CORO2B: variants seen among roughly 807,000 people sequenced by gnomAD.
CORO2B encodes the protein coronin 2B.
CORO2B carries 26 observed loss-of-function variants against 58.8 expected under a neutral mutation model. The observed-to-expected ratio is 0.44, with a 90% CI of 0.32 to 0.61. CORO2B has a LOEUF of 0.61. Ranked by LOEUF, CORO2B falls within the 20% of genes least tolerant of loss-of-function variation. CORO2B has a pLI of 0.04. For synonymous variants in CORO2B, 242 were observed against 253.8 expected, an observed-to-expected ratio of 0.95 and a Z score of 0.44; for missense variants, 460 against 645.1, an observed-to-expected ratio of 0.71 and a Z score of 3.11.
intron 3 of CORO2B, among the ~76,000 whole-genome samples, chr15:68,696,471 C>G (rs2140314091): frequency 6.8e-6 from 1 of 146,796 alleles, no homozygotes; most frequent in Admixed American, 7.2e-5. Context: ...ATCACTTGAA[C>G]CTGGAAGGCG....
At chr15:68,578,823 C>T (rs1899338582), upstream of CORO2B, 6 of 175,440 alleles carry the variant, frequency 3.4e-5, no homozygotes. The surrounding 1 kb of genome is among the most constrained non-coding windows in gnomAD (Gnocchi z 4.2). Context: ...CGTCCGGACT[C>T]CGGGAGCAGC....
the CORO2B span, among the ~76,000 whole-genome samples, chr15:68,548,984 T>C: frequency 2.6e-5 from 4 of 152,250 alleles, no homozygotes; most frequent in Non-Finnish European, 5.9e-5. Flanking sequence ...TGTTAAATTT[T>C]TTCCTATTGG....
intron 1 of CORO2B, among the ~76,000 whole-genome samples, chr15:68,615,574 G>T (rs931941470): frequency 2.6e-5 from 4 of 152,200 alleles, no homozygotes; most frequent in African/African-American, 9.7e-5. Flanking sequence ...GTTATTAAGA[G>T]GTGGAGCCCT....
chr15:68,597,697 C>T (rs528653125), intron 1 of CORO2B, among the ~76,000 whole-genome samples: 2 of 152,182 alleles, frequency 1.3e-5, no homozygotes, highest in South Asian at 4.2e-4. Flanking sequence ...TGCTATGGAG[C>T]TCAGAGGCTT....
intron 2 of CORO2B, among the ~76,000 whole-genome samples, chr15:68,653,348 G>A (rs914210734): frequency 2.0e-5 from 3 of 152,144 alleles, no homozygotes; most frequent in Non-Finnish European, 2.9e-5. Flanking sequence ...CTCTTGGACC[G>A]AGAGCCCCCA....
chr15:68,724,824 C>A (rs1452168423), intron 11 of CORO2B, among the ~76,000 whole-genome samples: 2 of 152,116 alleles, frequency 1.3e-5, no homozygotes, highest in Non-Finnish European at 2.9e-5. Context: ...CCTCAAGGAG[C>A]CTGCTGCCTT....
At chr15:68,570,799 G>GTTTTTTTT in the CORO2B span, among the ~76,000 whole-genome samples, 1 of 78,772 alleles carries the variant, frequency 1.3e-5, no homozygotes, top group Non-Finnish European at 2.2e-5. Context: ...ACTACACGTA[G>GTTTTTTTT]TTTTTTTTTT....
At chr15:68,576,173 AAAAGAAAG>A (rs1555409379), upstream of CORO2B, among the ~76,000 whole-genome samples, 1 of 103,844 alleles carries the variant, frequency 9.6e-6, no homozygotes, top group Non-Finnish European at 1.9e-5. Context: ...AAAAAAAAAA[AAAAGAAAG>A]AAAGAAAGAA....
intron 1 of CORO2B, chr15:68,616,685 C>A: frequency 1.1e-6 from 1 of 921,980 alleles, no homozygotes; most frequent in Non-Finnish European, 1.3e-6. Context: ...CGAGATCTCC[C>A]ATGGGCGAGG....
intron 3 of CORO2B, among the ~76,000 whole-genome samples, chr15:68,704,821 G>T (rs1238271139): frequency 6.6e-6 from 1 of 152,144 alleles, no homozygotes; most frequent in East Asian, 1.9e-4. Context: ...AGGCAGGCTT[G>T]CTGGAGAGAG....
intron 2 of CORO2B, among the ~76,000 whole-genome samples, chr15:68,678,531 A>G (rs1016559492): frequency 6.6e-6 from 1 of 152,166 alleles, no homozygotes; most frequent in African/African-American, 2.4e-5. Context: ...AAAATTAGCC[A>G]GGTGAGGTGG....
chr15:68,708,362 T>A (rs1450862989), intron 3 of CORO2B, among the ~76,000 whole-genome samples: 2 of 142,168 alleles, frequency 1.4e-5, no homozygotes, highest in African/African-American at 5.2e-5. Flanking sequence ...TTCTTCTTTT[T>A]TTTTTTTTTT....
chr15:68,619,057 C>T (rs1900443171), intron 1 of CORO2B, among the ~76,000 whole-genome samples: 2 of 152,070 alleles, frequency 1.3e-5, no homozygotes, highest in South Asian at 4.2e-4. Flanking sequence ...AGGTCAGCAG[C>T]CCCAGATACA....
At chr15:68,674,428 C>A (rs566819577) in intron 2 of CORO2B, among the ~76,000 whole-genome samples, 1 of 152,330 alleles carries the variant, frequency 6.6e-6, no homozygotes, top group South Asian at 2.1e-4. Context: ...TGATTGTGTG[C>A]CCTGGGTCTT....
At chr15:68,588,199 A>C (rs1899616636) in intron 1 of CORO2B, among the ~76,000 whole-genome samples, 1 of 152,206 alleles carries the variant, frequency 6.6e-6, no homozygotes, top group African/African-American at 2.4e-5. Context: ...AGTTCCTTCC[A>C]ATAGCTAGCC....
At chr15:68,642,869 G>C (rs1901300601) in intron 1 of CORO2B, among the ~76,000 whole-genome samples, 1 of 152,176 alleles carries the variant, frequency 6.6e-6, no homozygotes, top group Admixed American at 6.5e-5. Flanking sequence ...GCACAGCAAG[G>C]AACAGGAGGT....
chr15:68,642,035 C>CCTT (rs1555413294), intron 1 of CORO2B, among the ~76,000 whole-genome samples: 2 of 115,978 alleles, frequency 1.7e-5, no homozygotes, highest in African/African-American at 6.8e-5. Context: ...GGCCTAGCCT[C>CCTT]TTTTTTTTTT....
chr15:68,614,944 G>T (rs1900319536), intron 1 of CORO2B, among the ~76,000 whole-genome samples: 1 of 152,136 alleles, frequency 6.6e-6, no homozygotes, highest in African/African-American at 2.4e-5. Context: ...AGTCGGGTGG[G>T]GTGGGGGCTT....
At chr15:68,655,768 A>T (rs1409778786) in intron 2 of CORO2B, among the ~76,000 whole-genome samples, 1 of 152,252 alleles carries the variant, frequency 6.6e-6, no homozygotes, top group Non-Finnish European at 1.5e-5. Flanking sequence ...AGATCTGTCC[A>T]CAAAGGGCGG....
Sources: allele counts gnomAD v4.1 joint callset (sites outside exome capture counted in the v4.1 genomes callset), GRCh38; gene constraint gnomAD v4.1.1; non-coding constraint Gnocchi (gnomAD v3.1); transcripts MANE v1.5; gene names NCBI Gene and HGNC (gene_info 2026-07-23, HGNC 2026-07-21).